MLLT3: variants seen among roughly 807,000 people sequenced by gnomAD.
The protein encoded by MLLT3 is MLLT3 super elongation complex subunit.
A neutral mutation model predicts 53.2 loss-of-function variants in MLLT3; 4 were observed. That is an observed-to-expected ratio of 0.08 (90% CI 0.04 to 0.17). The LOEUF is 0.17. Among genes scored for constraint, MLLT3 ranks in the 10% least tolerant of loss-of-function variants. The probability of loss-of-function intolerance (pLI) is 1.00; values close to 1 mark genes in which losing one functional copy is unlikely to be tolerated. For missense variants in MLLT3, 569 were observed against 684.0 expected (o/e 0.83, Z 1.87); for synonymous variants, 283 against 230.6 (o/e 1.23, Z -2.06).
chr9:20,500,234 T>G (rs375496244), intron 2 of MLLT3, among the ~76,000 whole-genome samples: 1 of 152,150 alleles, frequency 6.6e-6, no homozygotes, highest in Non-Finnish European at 1.5e-5. Context: ...AAGGTCTGGC[T>G]GCTTAATACA....
chr9:20,527,957 C>T (rs1818243275), intron 2 of MLLT3, among the ~76,000 whole-genome samples: 1 of 152,148 alleles, frequency 6.6e-6, no homozygotes, highest in Non-Finnish European at 1.5e-5. Context: ...CACCTTAGAA[C>T]CAAGAAAGCA....
At chr9:20,395,801 G>A (rs539618713) in intron 5 of MLLT3, among the ~76,000 whole-genome samples, 3 of 152,220 alleles carry the variant, frequency 2.0e-5, no homozygotes, top group East Asian at 3.9e-4. Context: ...CATGCCCTCC[G>A]ATAGATTAAA....
rs1821323182 is a variant in MLLT3 at position 20,361,581 on chromosome 9, G to T, written c.1332-740C>A. On this transcript the variant is annotated intron_variant, in intron 7 of 10. Coordinates refer to ENST00000380338, the MANE Select transcript of MLLT3 (RefSeq NM_004529.4). ...TGGAAATACGCTACAACAACACAAA[G>T]AAATGGTATGTTTGGGATAACCGCT... Among the ~76,000 whole-genome samples, 3 of 152,248 alleles carry T rather than the reference G, an allele frequency of 2.0e-5. No homozygotes were observed. In the South Asian group the frequency reaches 6.2e-4, roughly 32 times the overall value.
chr9:20,448,448 G>A lies in MLLT3; in HGVS notation c.277-182C>T, dbSNP rs554083583. Among the ~76,000 whole-genome samples, 4 of 152,038 alleles carry A rather than the reference G, an allele frequency of 2.6e-5. No individual in the cohort carries two copies. Among genetic ancestry groups the A allele is most frequent in the Non-Finnish European group, 5.9e-5 (4 of 67,974 alleles). Reference sequence around the variant, plus strand: ...ATCATCAGTGAAACAAAATAGAAATGTCTGACAAATTAGTTTCTTGTGTTA... The same window carrying A: ...ATCATCAGTGAAACAAAATAGAAATATCTGACAAATTAGTTTCTTGTGTTA... On this transcript the variant is annotated intron_variant, in intron 3 of 10. Coordinates refer to ENST00000380338, the MANE Select transcript of MLLT3 (RefSeq NM_004529.4). This position sits in a 1 kb window ranked among gnomAD's most constrained non-coding sequence, Gnocchi z 4.0.
At chr9:20,395,217 G>A (rs145100078) in intron 5 of MLLT3, among the ~76,000 whole-genome samples, 1 of 152,096 alleles carries the variant, frequency 6.6e-6, no homozygotes, top group African/African-American at 2.4e-5. Context: ...CTTCTCCCCT[G>A]GCCTCCAACT....
intron 5 of MLLT3, among the ~76,000 whole-genome samples, chr9:20,409,870 C>T (rs946274149): frequency 2.6e-5 from 4 of 152,070 alleles, no homozygotes; most frequent in African/African-American, 7.2e-5. Context: ...AACAGTAACT[C>T]AAAGATAAAT....
At chr9:20,487,179 G>C (rs1367794347) in intron 2 of MLLT3, among the ~76,000 whole-genome samples, 3 of 152,100 alleles carry the variant, frequency 2.0e-5, no homozygotes, top group Admixed American at 6.5e-5. Flanking sequence ...AGCAGAGCTA[G>C]TTTAACATGA....
At chr9:20,491,563 T>C (rs1824948779) in intron 2 of MLLT3, among the ~76,000 whole-genome samples, 1 of 152,136 alleles carries the variant, frequency 6.6e-6, no homozygotes, top group Non-Finnish European at 1.5e-5. Flanking sequence ...ATAAATGGCA[T>C]TTCCTACTCC....
chr9:20,514,315 C>G (rs1022784295), intron 2 of MLLT3, among the ~76,000 whole-genome samples: 1 of 152,044 alleles, frequency 6.6e-6, no homozygotes. Flanking sequence ...GGGGCAAAGT[C>G]ATCTCCAATG....
chr9:20,539,127 A>G (rs1818559627), intron 2 of MLLT3, among the ~76,000 whole-genome samples: 1 of 152,214 alleles, frequency 6.6e-6, no homozygotes, highest in Non-Finnish European at 1.5e-5. Flanking sequence ...TGGAAATAAG[A>G]CAACAATGAA....
chr9:20,483,842 G>C (rs928445429), intron 2 of MLLT3, among the ~76,000 whole-genome samples: 14 of 150,612 alleles, frequency 9.3e-5, no homozygotes, highest in African/African-American at 3.2e-4. Context: ...CGAGTAGCTG[G>C]GACTACAAGC....
At chr9:20,355,807 A>G (rs1821158386) in intron 8 of MLLT3, among the ~76,000 whole-genome samples, 1 of 152,252 alleles carries the variant, frequency 6.6e-6, no homozygotes, top group Admixed American at 6.5e-5. Context: ...GAAAATGCCA[A>G]ATAAAGGACC....
chr9:20,495,877 C>A (rs925349350), intron 2 of MLLT3, among the ~76,000 whole-genome samples: 3 of 152,056 alleles, frequency 2.0e-5, no homozygotes, highest in Non-Finnish European at 2.9e-5. Flanking sequence ...TATCATAGGC[C>A]CTCGGCTCAC....
intron 2 of MLLT3, among the ~76,000 whole-genome samples, chr9:20,576,214 C>T (rs1297115931): frequency 2.0e-5 from 3 of 152,140 alleles, no homozygotes; most frequent in Non-Finnish European, 2.9e-5. Context: ...ACAGTTAAGG[C>T]CTTGCTCTGG....
chr9:20,394,064 T>C (rs754475588), intron 5 of MLLT3, among the ~76,000 whole-genome samples: 1 of 152,192 alleles, frequency 6.6e-6, no homozygotes, highest in Non-Finnish European at 1.5e-5. Context: ...CTGATTCTGA[T>C]TCTTTCCATA....
At chr9:20,587,222 T>G (rs904836014) in intron 2 of MLLT3, among the ~76,000 whole-genome samples, 1 of 148,090 alleles carries the variant, frequency 6.8e-6, no homozygotes, top group African/African-American at 2.5e-5. Flanking sequence ...AATAGGTTCA[T>G]ATCTGCAAAG....
chr9:20,576,680 C>A (rs1021149273), intron 2 of MLLT3, among the ~76,000 whole-genome samples: 1 of 152,038 alleles, frequency 6.6e-6, no homozygotes, highest in African/African-American at 2.4e-5. Context: ...GTAACATCAA[C>A]GATCACTGAT....
intron 2 of MLLT3, among the ~76,000 whole-genome samples, chr9:20,567,502 G>C (rs1324833914): frequency 6.6e-6 from 1 of 152,038 alleles, no homozygotes; most frequent in African/African-American, 2.4e-5. Context: ...GTCAAACTCT[G>C]TTTTAGTAAA....
At chr9:20,377,174 T>C (rs1163983452) in intron 5 of MLLT3, among the ~76,000 whole-genome samples, 1 of 152,190 alleles carries the variant, frequency 6.6e-6, no homozygotes, top group African/African-American at 2.4e-5. Flanking sequence ...CATAATTAAG[T>C]GTTATTGGAG....
Sources: gnomAD v4.1 joint callset for allele counts (sites outside exome capture counted in the v4.1 genomes callset) on GRCh38, gnomAD v4.1.1 for gene constraint, Gnocchi (gnomAD v3.1) non-coding constraint, MANE v1.5 for transcripts, NCBI Gene and HGNC (gene_info 2026-07-23, HGNC 2026-07-21) for gene names.